PPP1R10: variants seen among roughly 807,000 people sequenced by gnomAD.
PPP1R10 encodes the protein serine/threonine-protein phosphatase 1 regulatory subunit 10.
In PPP1R10, 15 loss-of-function variants were observed where a neutral mutation model predicts 99.0. That is an observed-to-expected ratio of 0.15 (90% CI 0.10 to 0.23). The LOEUF (loss-of-function observed/expected upper bound fraction) is 0.23, where lower values mean the gene tolerates loss of function less well. Among genes scored for constraint, PPP1R10 ranks in the 10% least tolerant of loss-of-function variants. The pLI is 1.00. For synonymous variants in PPP1R10, 430 were observed against 449.5 expected (o/e 0.96, Z 0.55); for missense variants, 947 against 1,259.4 (o/e 0.75, Z 3.75).
chr6:30,603,845 T>C lies in PPP1R10; in HGVS notation c.1509-2A>G. ...GGCTCAGGATCAGGCTCATGAGGAC[T>C]ATCAGGAACAACACAGGTGAGAGAA... On this transcript the variant is annotated splice_acceptor_variant, in intron 14 of 19. Coordinates refer to ENST00000376511, the MANE Select transcript of PPP1R10 (RefSeq NM_002714.4). LOFTEE classifies it high-confidence loss of function. 1 of 1,534,464 alleles carries C rather than the reference T, an allele frequency of 6.5e-7. No homozygotes were observed. Among genetic ancestry groups the C allele is most frequent in the Non-Finnish European group, 8.7e-7 (1 of 1,143,400 alleles).
Position 30,602,188 on chromosome 6 carries a change from C to T in PPP1R10, c.2461G>A (p.Gly821Arg), listed in dbSNP as rs756919628. ...SGHRPHEGPG[G>R]GMGAGGGHRP... ...TGTCCACCACCGGCACCCATTCCTC[C>T]GCCAGGGCCTTCATGGGGACGATGG... Residue 821 changes from glycine (G) to arginine (R), a missense_variant, in exon 19 of 20, where the codon GGA becomes AGA. Around this residue, in one of 10 missense-constraint regions of PPP1R10, gnomAD observed 525 missense variants for 578.8 expected, o/e 0.91. Transcript: ENST00000376511. The surrounding 1 kb of genome is among the most constrained non-coding windows in gnomAD (Gnocchi z 6.7). The T allele has an allele frequency of 1.5e-5, 24 of 1,610,474 alleles. No homozygotes were observed. The highest frequency in any genetic ancestry group is 2.2e-5 in the South Asian group (2 of 90,832).
Position 30,603,284 on chromosome 6 carries a change from C to T in PPP1R10, c.1769G>A (p.Gly590Asp), listed in dbSNP as rs781110074. The T allele has an allele frequency of 3.1e-6, 5 of 1,612,530 alleles. No individual in the cohort carries two copies. The highest frequency in any genetic ancestry group is 4.2e-6 in the Non-Finnish European group (5 of 1,178,576). ...CTCTGAAGGATGACTGTTTGGGCTA[C>T]CCTGTGAGGATGTAAGAAGGCAAAG... ...NVQEILTSIM[G>D]SPNSHPSEEL... Residue 590 changes from glycine (G) to aspartate (D), a missense_variant and splice_region_variant, in exon 17 of 20, where the codon GGT (glycine) becomes GAT (aspartate). Physicochemically the swap from Gly to Asp is moderately conservative, Grantham distance 94. Coordinates refer to ENST00000376511, the MANE Select transcript of PPP1R10 (RefSeq NM_002714.4).
In PPP1R10 at chr6:30,604,591, T is replaced by A; in HGVS notation, c.1099A>T (p.Thr367Ser). 1 of 1,613,042 alleles carries A rather than the reference T, an allele frequency of 6.2e-7. No homozygotes were observed. Among genetic ancestry groups the A allele is most frequent in the Non-Finnish European group, 8.5e-7 (1 of 1,180,018 alleles). The change falls in exon 12 of 20, where the codon ACA becomes TCA. Residue 367 changes from threonine to serine, a missense_variant. Physicochemically the swap from Thr to Ser is moderately conservative, Grantham distance 58. Coordinates refer to ENST00000376511, the MANE Select transcript of PPP1R10 (RefSeq NM_002714.4). This position sits in a 1 kb window ranked among gnomAD's most constrained non-coding sequence, Gnocchi z 7.3. The stretch of plus-strand genomic sequence containing the variant: ...ACTGAACCAGTTTCTAGATTACCTG[T>A]ATCCATGAGCTCCGGGACTTCAACA... ...PPVEVPELMD[T>S]ASLEPGALDA...
At chr6:30,607,784 T>C in intron 6 of PPP1R10, 56 bp downstream of exon 6, 2 of 1,532,660 alleles carry the variant, frequency 1.3e-6, no homozygotes, top group Non-Finnish European at 1.8e-6. Context: ...GATATTAAGG[T>C]AATTAAGTGG....
chr6:30,605,035 T>C lies in PPP1R10; in HGVS notation c.913A>G (p.Ile305Val). The change falls in exon 11 of 20, where the codon ATT becomes GTT. Residue 305 changes from isoleucine to valine, a missense_variant. Ile to Val is a conservative substitution (Grantham distance 29). Transcript: ENST00000376511. Reference sequence around the variant, plus strand: ...GACAGTACTTTTTTTTTCTTCTTAATTTTGATGCCTGGAACAGGGGCTGAA... The same window carrying C: ...GACAGTACTTTTTTTTTCTTCTTAACTTTGATGCCTGGAACAGGGGCTGAA... ...LNSAPVPGIK[I>V]KKKKKVLSPT... The C allele has an allele frequency of 1.2e-6, 2 of 1,613,036 alleles. No individual in the cohort carries two copies. The highest frequency in any genetic ancestry group is 1.7e-6 in the Non-Finnish European group (2 of 1,180,018).
In PPP1R10 at chr6:30,603,803, G is replaced by A. The variant is rs774544694; in HGVS notation, c.1549C>T (p.Pro517Ser). The A allele has an allele frequency of 7.8e-6, 12 of 1,542,644 alleles. No individual in the cohort carries two copies. The East Asian group carries it at 2.7e-4, about 35-fold the overall frequency. ...PDPEPYEPIP[P>S]KLIPLDEECS... ...ACCTCATCTAGGGGGATGAGTTTAG[G>A]GGGTATGGGCTCGTAGGGCTCAGGA... The change falls in exon 15 of 20, where the codon CCT (proline) becomes TCT (serine). Residue 517 changes from proline (P) to serine (S), a missense_variant. By Grantham distance (74) the Pro-to-Ser change is moderately conservative. This residue lies in a region of PPP1R10 where 525 missense variants were observed against 578.8 expected (regional missense o/e 0.91). Transcript: ENST00000376511.
At chr6:30,614,438 T>C (rs1049412686) in intron 2 of PPP1R10, 5 of 152,254 alleles carry the variant, frequency 3.3e-5, no homozygotes, top group South Asian at 2.1e-4. Context: ...CTAGTACCAA[T>C]GTACAGGAAC....
chr6:30,606,868 A>G lies in PPP1R10; in HGVS notation c.383-12T>C. The G allele has an allele frequency of 6.2e-7, 1 of 1,606,268 alleles. No homozygotes were observed. Among genetic ancestry groups the G allele is most frequent in the African/African-American group, 1.3e-5 (1 of 74,874 alleles). On this transcript the variant is annotated splice_polypyrimidine_tract_variant and intron_variant, in intron 6 of 19. Transcript: ENST00000376511. This position sits in a 1 kb window ranked among gnomAD's most constrained non-coding sequence, Gnocchi z 6.3. The stretch of plus-strand genomic sequence containing the variant: ...CAATTTCCGGAGCTCTGCAGGTGAC[A>G]GAAAGGGGAAATGCCTAAATAATGT...
At chr6:30,616,012 A>C (rs1256763514) in intron 2 of PPP1R10, among the ~76,000 whole-genome samples, 2 of 152,164 alleles carry the variant, frequency 1.3e-5, no homozygotes, top group African/African-American at 2.4e-5. Context: ...ATTGCTTATT[A>C]ATCTGGCAAA....
chr6:30,609,147 G>T lies in PPP1R10; in HGVS notation c.124C>A (p.Arg42=), dbSNP rs759896223. ...TAAGTGCATCGACTCACCATCTTTC[G>T]TGCTTCCTTCATCAAACTGCAGAAG... ...SKIFSLMKEA[R]KMVSRCTYLN... is the part of the protein sequence containing the mutation. The change falls in exon 4 of 20, where the codon CGA becomes AGA. Residue 42 remains arginine (R), a synonymous_variant. Coordinates refer to ENST00000376511, the MANE Select transcript of PPP1R10 (RefSeq NM_002714.4). The surrounding 1 kb of genome is among the most constrained non-coding windows in gnomAD (Gnocchi z 4.5). The T allele has an allele frequency of 6.2e-6, 10 of 1,613,038 alleles. No individual in the cohort carries two copies. In the Admixed American group the frequency reaches 1.7e-4, roughly 27 times the overall value.
At chr6:30,610,002 G>GTCCTTGCCACC in intron 2 of PPP1R10, 47 bp from the exon 3 acceptor site, 1 of 1,316,552 alleles carries the variant, frequency 7.6e-7, no homozygotes, top group Non-Finnish European at 1.1e-6. Flanking sequence ...TAAATGGGTG[G>GTCCTTGCCACC]CAAGGACTAC....
Position 30,604,576 on chromosome 6 carries a change from TTTC to T in PPP1R10, c.1102+9_1102+11del. The T allele has an allele frequency of 6.2e-7, 1 of 1,612,834 alleles. No individual in the cohort carries two copies. Among genetic ancestry groups the T allele is most frequent in the Non-Finnish European group, 8.5e-7 (1 of 1,179,968 alleles). ...CAGAAAACCCCCCAAACTGAACCAG[TTTC>T]TAGATTACCTGTATCCATGAGCTCC... is the stretch of plus-strand genomic sequence containing the variant. On this transcript the variant is annotated intron_variant, in intron 12 of 19. Transcript: ENST00000376511. The surrounding 1 kb of genome is among the most constrained non-coding windows in gnomAD (Gnocchi z 7.3).
intron 2 of PPP1R10, among the ~76,000 whole-genome samples, chr6:30,611,906 TACAC>T (rs1421124314): frequency 6.6e-6 from 1 of 152,146 alleles, no homozygotes; most frequent in East Asian, 1.9e-4. Context: ...TGGTGATTCC[TACAC>T]ACACAGAGAC....
At position 30,616,776 on chromosome 6, in the gene PPP1R10, T is replaced by C. The variant is rs1760614154; in HGVS notation, c.-310A>G. On this transcript the variant is annotated 5_prime_UTR_variant, in exon 2 of 20. Transcript: ENST00000376511. Reference sequence around the variant, plus strand: ...GGGTGGTTGATTATTTTTGAAGTTATGTAGTGACGGTCCTTCGGCCACAGA... The same window carrying C: ...GGGTGGTTGATTATTTTTGAAGTTACGTAGTGACGGTCCTTCGGCCACAGA... 6.6e-6 allele frequency: 1 copy of C among 152,164 alleles called. No individual in the cohort carries two copies. The highest frequency in any genetic ancestry group is 2.4e-5 in the African/African-American group (1 of 41,420). 9.4% of individuals were successfully genotyped at this position (152,164 alleles called of 1,614,324 possible). A position where few individuals can be genotyped will look rare whatever the true frequency, so the allele number is the denominator to read the frequency against.
At chr6:30,613,831 T>C (rs1804799141) in intron 2 of PPP1R10, among the ~76,000 whole-genome samples, 1 of 152,092 alleles carries the variant, frequency 6.6e-6, no homozygotes, top group Non-Finnish European at 1.5e-5. Context: ...AAGGAAGATA[T>C]GCTGCAGAGG....
At chr6:30,610,482 T>A (rs914404268) in intron 2 of PPP1R10, among the ~76,000 whole-genome samples, 2 of 152,210 alleles carry the variant, frequency 1.3e-5, no homozygotes, top group Non-Finnish European at 2.9e-5. Context: ...TCATAATCAC[T>A]ACACATGGCA....
At chr6:30,612,673 TTC>T (rs1032744706) in intron 2 of PPP1R10, among the ~76,000 whole-genome samples, 119 of 152,312 alleles carry the variant, frequency 7.8e-4, no homozygotes, top group Admixed American at 7.0e-3. Flanking sequence ...GGAAGATTAG[TTC>T]TTATTTAAAA....
chr6:30,607,982 G>GT, intron 5 of PPP1R10, 91 bp from the exon 6 acceptor site: 1 of 1,150,338 alleles, frequency 8.7e-7, no homozygotes, highest in East Asian at 2.5e-5. Context: ...AGTCCTCCCT[G>GT]CTTTTTTTTT....
chr6:30,603,472 C>T lies in PPP1R10; in HGVS notation c.1767G>A (p.Met589Ile), dbSNP rs759555606. Residue 589 changes from methionine to isoleucine, a missense_variant and splice_region_variant, in exon 16 of 20, where the codon ATG (methionine) becomes ATA (isoleucine). Transcript: ENST00000376511. ...GGAAAAGGGGAAGGAGGGTGCGTAC[C>T]ATGATGGAGGTGAGGATCTCTTGGA... ...INVQEILTSI[M>I]GSPNSHPSEE... 2 of 1,608,550 alleles carry T rather than the reference C, an allele frequency of 1.2e-6. No homozygotes were observed. The highest frequency in any genetic ancestry group is 1.7e-5 in the Admixed American group (1 of 59,206).
Sources: allele counts gnomAD v4.1 joint callset (sites outside exome capture counted in the v4.1 genomes callset), GRCh38; gene constraint gnomAD v4.1.1; regional missense constraint gnomAD v4.1.1; non-coding constraint Gnocchi (gnomAD v3.1); transcripts MANE v1.5; gene names NCBI Gene and HGNC (gene_info 2026-07-23, HGNC 2026-07-21).